RYR1: variants seen among roughly 807,000 people sequenced by gnomAD.
RYR1 encodes the protein central core disease of muscle.
In RYR1, 342 loss-of-function variants were observed where a neutral mutation model predicts 583.5. That is an observed-to-expected ratio of 0.59 (90% confidence interval 0.54 to 0.64). The LOEUF is 0.64. Among genes scored for constraint, RYR1 ranks in the 30% least tolerant of loss-of-function variants. The pLI is 0.00. For synonymous variants in RYR1, 2,791 were observed against 2,822.5 expected, an observed-to-expected ratio of 0.99 and a Z score of 0.35; for missense variants, 6,032 against 6,917.2, an observed-to-expected ratio of 0.87 and a Z score of 4.54.
chr19:38,497,984 G>T (rs1163428785), intron 42 of RYR1, among the ~76,000 whole-genome samples: 5 of 152,140 alleles, frequency 3.3e-5, no homozygotes, highest in Admixed American at 3.3e-4. Flanking sequence ...AAAAAAAGTG[G>T]CCAGAGAAAG....
rs372812265 is a variant in RYR1 at position 38,464,494 on chromosome 19, C to A, written c.2787-145C>A. Reference sequence around the variant, plus strand: ...AAGACAGAAGTCATGAAGCCTGAGGCCAGGATCAAGAGAGACAGGGCCAGA... The same window carrying A: ...AAGACAGAAGTCATGAAGCCTGAGGACAGGATCAAGAGAGACAGGGCCAGA... On this transcript the variant is annotated intron_variant, in intron 22 of 105. Transcript: ENST00000359596. 3.7e-5 allele frequency: 24 copies of A among 646,954 alleles called. No individual in the cohort carries two copies. In the South Asian group the frequency reaches 4.1e-4, roughly 11 times the overall value. The allele number at this position is 646,954 out of a possible 1,614,324, so 40.1% of individuals were successfully genotyped here. A position where few individuals can be genotyped will look rare whatever the true frequency, so the allele number is the denominator to read the frequency against.
chr19:38,555,484 CGTGTGTGTGTAT>C (rs1972842295), intron 89 of RYR1, among the ~76,000 whole-genome samples: 1 of 150,132 alleles, frequency 6.7e-6, no homozygotes, highest in Non-Finnish European at 1.5e-5. Context: ...TGTGTGCGCA[CGTGTGTGTGTAT>C]GTGTGTGTGG....
In RYR1 at chr19:38,496,437, G is replaced by A. The variant is rs1600808698; in HGVS notation, c.6692G>A (p.Ser2231Asn). ...ATCCGCTTCCCCAAGATGGTGACAA[G>A]CTGCTGCCGCTTCCTCTGCTATTTC... ...KEIRFPKMVT[S>N]CCRFLCYFCR... Residue 2231 changes from serine to asparagine, a missense_variant, in exon 41 of 106, where the codon AGC becomes AAC. This residue lies in a region of RYR1 where 2,627 missense variants were observed against 2,961.3 expected (regional missense o/e 0.89). Transcript: ENST00000359596. This position sits in a 1 kb window ranked among gnomAD's most constrained non-coding sequence, Gnocchi z 4.8. 6.2e-7 allele frequency: 1 copy of A among 1,613,812 alleles called. No individual in the cohort carries two copies. The highest frequency in any genetic ancestry group is 1.1e-5 in the South Asian group (1 of 91,084).
Position 38,487,177 on chromosome 19 carries a change from CATCT to C in RYR1, c.5547+976_5547+979del, listed in dbSNP as rs565053986. Among the ~76,000 whole-genome samples the C allele has an allele frequency of 1.1e-4, 17 of 152,188 alleles. No homozygotes were observed. In the South Asian group the frequency reaches 3.5e-3, roughly 32 times the overall value. ...CCCACCTACCCTTCATCCATCCATC[CATCT>C]CTCCATTCATATGTACGTACACCCA... is the stretch of plus-strand genomic sequence containing the variant. On this transcript the variant is annotated intron_variant, in intron 34 of 105. Transcript: ENST00000359596.
chr19:38,478,742 C>G (rs762039983), intron 31 of RYR1, 142 bp downstream of exon 31: 2 of 892,054 alleles, frequency 2.2e-6, no homozygotes, highest in Non-Finnish European at 3.6e-6. Flanking sequence ...GCTGGGAGAC[C>G]ACCTTGTTGA....
chr19:38,511,413 T>C (rs1360385916), intron 60 of RYR1, 148 bp from the exon 61 acceptor site: 6 of 806,942 alleles, frequency 7.4e-6, no homozygotes, highest in Admixed American at 1.9e-5. Context: ...TTCCCATCCC[T>C]CCTGTCTCCA....
chr19:38,573,450 G>A (rs372957745), intron 96 of RYR1, 143 bp downstream of exon 96: 2 of 1,073,484 alleles, frequency 1.9e-6, no homozygotes, highest in East Asian at 2.9e-5. Context: ...GGGAGGCTAA[G>A]GCGGGCGGAT....
At position 38,586,223 on chromosome 19, in the gene RYR1, G is replaced by C. The variant is rs113102243; in HGVS notation, c.14969+32G>C. The C allele has an allele frequency of 8.3e-3, 13,194 of 1,592,256 alleles. 807 individuals are homozygous for C. In the African/African-American group the frequency reaches 0.14, roughly 17 times the overall value. On this transcript the variant is annotated intron_variant, in intron 104 of 105. Coordinates refer to ENST00000359596, the MANE Select transcript of RYR1 (RefSeq NM_000540.3). The stretch of plus-strand genomic sequence containing the variant: ...AGACACACTGGCCAGTCAGGAGGGT[G>C]GGGGGCATGGCTGCCAATAGCCAGC...
chr19:38,463,147 C>CCCA, intron 20 of RYR1, among the ~76,000 whole-genome samples: 1 of 63,420 alleles, frequency 1.6e-5, no homozygotes, highest in East Asian at 4.0e-4. Flanking sequence ...ATCTGCCCCC[C>CCCA]CCCCCCCCAC....
chr19:38,553,898 G>A (rs1161183671), intron 89 of RYR1, among the ~76,000 whole-genome samples: 8 of 152,230 alleles, frequency 5.3e-5, no homozygotes, highest in Non-Finnish European at 1.2e-4. Flanking sequence ...TATAGGAAGT[G>A]TCGTCATTCT....
intron 1 of RYR1, among the ~76,000 whole-genome samples, chr19:38,440,381 A>G (rs990358163): frequency 1.3e-5 from 2 of 152,210 alleles, no homozygotes; most frequent in Non-Finnish European, 2.9e-5. Flanking sequence ...TCTACTAAAA[A>G]TATAAAAATT....
intron 84 of RYR1, among the ~76,000 whole-genome samples, chr19:38,539,261 A>G (rs984040453): frequency 1.5e-4 from 21 of 137,626 alleles, no homozygotes; most frequent in Admixed American, 5.4e-4. Flanking sequence ...TTTTTTTTAG[A>G]CAGAGTCTCA....
At chr19:38,523,430 G>T in intron 69 of RYR1, 121 bp downstream of exon 69, 1 of 1,111,672 alleles carries the variant, frequency 9.0e-7, no homozygotes, top group Non-Finnish European at 1.4e-6. Context: ...GCAGTCCTCA[G>T]AGCAGCCCCT....
In RYR1 at chr19:38,553,801, TACAA is replaced by T. The variant is rs146004231; in HGVS notation, c.12282+5385_12282+5388del. 3.2e-3 allele frequency among the ~76,000 whole-genome samples: 484 copies of T among 152,364 alleles called. 1 individual carries two copies. The highest frequency in any genetic ancestry group is 0.011 in the African/African-American group (466 of 41,596). ...CCTTCCATCATTTTTTAAATGAAAA[TACAA>T]ACAGATATTTTTGTTTTTCTCGTTT... On this transcript the variant is annotated intron_variant, in intron 89 of 105. Transcript: ENST00000359596.
chr19:38,499,651 G>A lies in RYR1; in HGVS notation c.7044G>A (p.Glu2348=). ...GGTGGCCAGGCGAGAGCGTGGAGGA[G>A]AACGCCAATGTGGTGGTGCGGCTGC... is the stretch of plus-strand genomic sequence containing the variant. The part of the protein sequence containing the change: ...AVFVNGESVE[E]NANVVVRLLI... The change falls in exon 44 of 106, where the codon GAG becomes GAA. Residue 2348 remains glutamate (E), a synonymous_variant. Coordinates refer to ENST00000359596, the MANE Select transcript of RYR1 (RefSeq NM_000540.3). This position sits in a 1 kb window ranked among gnomAD's most constrained non-coding sequence, Gnocchi z 7.3. 1 of 1,598,406 alleles carries A rather than the reference G, an allele frequency of 6.3e-7. No homozygotes were observed. Among genetic ancestry groups the A allele is most frequent in the Non-Finnish European group, 8.5e-7 (1 of 1,179,890 alleles).
intron 97 of RYR1, among the ~76,000 whole-genome samples, chr19:38,576,617 G>T (rs1973966093): frequency 6.6e-6 from 1 of 152,030 alleles, no homozygotes; most frequent in Admixed American, 6.6e-5. Context: ...TTTGAGACCA[G>T]CCTGGACAAC....
chr19:38,474,366 G>A (rs767993643), intron 28 of RYR1, among the ~76,000 whole-genome samples: 19 of 150,926 alleles, frequency 1.3e-4, no homozygotes, highest in Non-Finnish European at 2.8e-4. Context: ...GGGTTCAAGC[G>A]ATTCTTCTGC....
chr19:38,571,760 GGCA>G, intron 94 of RYR1, among the ~76,000 whole-genome samples: 1 of 152,304 alleles, frequency 6.6e-6, no homozygotes, highest in Non-Finnish European at 1.5e-5. Flanking sequence ...AATATTAGTG[GGCA>G]GTCTCTTTAG....
chr19:38,533,748 C>A lies in RYR1; in HGVS notation c.11260-972C>A, dbSNP rs938653791. Among the ~76,000 whole-genome samples the A allele has an allele frequency of 2.0e-5, 3 of 149,614 alleles. No individual in the cohort carries two copies. The Admixed American group carries it at 2.0e-4, about 10-fold the overall frequency. ...TGGAAGTTGCAGTGAGCCGAGATCA[C>A]GCCATTGCACTCCAGCCTGGGCGAG... On this transcript the variant is annotated intron_variant, in intron 78 of 105. Transcript: ENST00000359596.
Sources: allele counts gnomAD v4.1 joint callset (sites outside exome capture counted in the v4.1 genomes callset), GRCh38; gene constraint gnomAD v4.1.1; regional missense constraint gnomAD v4.1.1; non-coding constraint Gnocchi (gnomAD v3.1); transcripts MANE v1.5; gene names NCBI Gene and HGNC (gene_info 2026-07-23, HGNC 2026-07-21).